Variants in SDSL observed in about 807,000 individuals in gnomAD.
SDSL encodes the protein serine dehydratase-like.
Under a neutral mutation model 27.6 loss-of-function variants are expected in SDSL, and 26 were observed. The observed-to-expected ratio is 0.94, with a 90% CI of 0.69 to 1.31. The LOEUF (loss-of-function observed/expected upper bound fraction) is 1.31, where lower values mean the gene tolerates loss of function less well. Ranked by LOEUF, SDSL falls within the 50% of genes most tolerant of loss-of-function variation. The pLI is 0.00. For synonymous variants in SDSL, 196 were observed against 180.6 expected (o/e 1.09, Z -0.69); for missense variants, 431 against 423.5 (o/e 1.02, Z -0.16).
In SDSL at chr12:113,438,186, A is replaced by G. The variant is rs1958025896; in HGVS notation, c.*107A>G. 1 of 1,009,408 alleles carries G rather than the reference A, an allele frequency of 9.9e-7. No homozygotes were observed. The highest frequency in any genetic ancestry group is 1.5e-6 in the Non-Finnish European group (1 of 688,532). 62.5% of individuals were successfully genotyped at this position (1,009,408 alleles called of 1,614,324 possible). On this transcript the variant is annotated 3_prime_UTR_variant, in exon 8 of 8. Transcript: ENST00000403593. ...GATGGCAGTGGAAGCTGCCCTGTGC[A>G]ACTGTGCTGGCTGCCTCCTGAAGGA...
chr12:113,432,270 T>TTCTTTCTCTC lies in SDSL; in HGVS notation c.355-1857_355-1856insCTCTCTTTCT, dbSNP rs1555210080. Among the ~76,000 whole-genome samples the TTCTTTCTCTC allele has an allele frequency of 2.2e-3, 253 of 116,336 alleles. 5 individuals carry two copies. Among genetic ancestry groups the TTCTTTCTCTC allele is most frequent in the African/African-American group, 6.9e-3 (215 of 31,290 alleles). 76.3% of individuals were successfully genotyped at this position (116,336 alleles called of 152,430 possible). A position where few individuals can be genotyped will look rare whatever the true frequency, so the allele number is the denominator to read the frequency against. On this transcript the variant is annotated intron_variant, in intron 4 of 7. Coordinates refer to ENST00000403593, the MANE Select transcript of SDSL (RefSeq NM_001304993.2). The stretch of plus-strand genomic sequence containing the variant: ...TTTCTTTCTTTCTTTCTTTCTTTCT[T>TTCTTTCTCTC]TCTTTCTTTCTTTCTTTCTTTCTCT...
Position 113,437,916 on chromosome 12 carries a change from G to C in SDSL, c.827G>C (p.Cys276Ser), listed in dbSNP as rs760996433. The C allele has an allele frequency of 4.3e-6, 7 of 1,611,274 alleles. No individual in the cohort carries two copies. The Admixed American group carries it at 1.0e-4, about 23-fold the overall frequency. The stretch of plus-strand genomic sequence containing the variant: ...GAGCGTATGCTGGTGGAGCCTGCCT[G>C]TGGGGCAGCCTTAGCAGCCATCTAC... ...DDERMLVEPACGAALAAIYSG... is the reference protein window; with the variant it reads ...DDERMLVEPASGAALAAIYSG... The change falls in exon 8 of 8, where the codon TGT (cysteine) becomes TCT (serine). Residue 276 changes from cysteine to serine, a missense_variant. By Grantham distance (112) the Cys-to-Ser change is moderately radical (BLOSUM62 -1). Transcript: ENST00000403593.
At position 113,432,272 on chromosome 12, in the gene SDSL, CTTTCTTTCTTTCT is replaced by C; in HGVS notation, c.355-1859_355-1847del. Among the ~76,000 whole-genome samples the C allele has an allele frequency of 2.3e-5, 3 of 129,822 alleles. No homozygotes were observed. In the East Asian group the frequency reaches 6.5e-4, roughly 28 times the overall value. The allele number at this position is 129,822 out of a possible 152,430, so 85.2% of individuals were successfully genotyped here. A position where few individuals can be genotyped will look rare whatever the true frequency, so the allele number is the denominator to read the frequency against. ...TCTTTCTTTCTTTCTTTCTTTCTTT[CTTTCTTTCTTTCT>C]TTCTTTCTCTCTCTCTCTTTCTGTC... On this transcript the variant is annotated intron_variant, in intron 4 of 7. Coordinates refer to ENST00000403593, the MANE Select transcript of SDSL (RefSeq NM_001304993.2).
chr12:113,435,619 T>C, intron 6 of SDSL, 63 bp downstream of exon 6: 1 of 1,392,810 alleles, frequency 7.2e-7, no homozygotes, highest in Non-Finnish European at 9.9e-7. Context: ...TCCTAGGGCC[T>C]TCCAGTCCCA....
At chr12:113,426,047 C>T in intron 1 of SDSL, 1 of 404,902 alleles carries the variant, frequency 2.5e-6, no homozygotes, top group East Asian at 7.2e-5. Flanking sequence ...CAATGGCTTT[C>T]CATTGCAGGT....
intron 1 of SDSL, among the ~76,000 whole-genome samples, chr12:113,425,269 G>C (rs928286268): frequency 1.3e-5 from 2 of 152,166 alleles, no homozygotes; most frequent in Non-Finnish European, 1.5e-5. Flanking sequence ...GGGGATCAGT[G>C]ATGACCCATG....
chr12:113,434,089 C>T (rs1957962439), intron 4 of SDSL, 45 bp from the exon 5 acceptor site: 1 of 1,525,182 alleles, frequency 6.6e-7, no homozygotes, highest in Admixed American at 1.7e-5. Flanking sequence ...GCCTCCATAG[C>T]AGTCCCACTC....
chr12:113,427,859 A>G (rs1957867858), intron 1 of SDSL, 103 bp from the exon 2 acceptor site: 1 of 996,804 alleles, frequency 1.0e-6, no homozygotes, highest in African/African-American at 1.6e-5. Context: ...GATGAAGTGA[A>G]GGGCACCTAA....
intron 3 of SDSL, among the ~76,000 whole-genome samples, chr12:113,428,895 G>A (rs1227750495): frequency 6.6e-6 from 1 of 151,326 alleles, no homozygotes; most frequent in Non-Finnish European, 1.5e-5. Context: ...ACCCCTTCTC[G>A]ATGCCTCGCC....
intron 6 of SDSL, among the ~76,000 whole-genome samples, chr12:113,436,416 G>C (rs1035766707): frequency 1.3e-5 from 2 of 151,864 alleles, no homozygotes; most frequent in African/African-American, 4.8e-5. Flanking sequence ...AGCCTCCCAA[G>C]TAGTTGGGAT....
chr12:113,429,056 G>C lies in SDSL; in HGVS notation c.215-104G>C. 8 of 1,375,128 alleles carry C rather than the reference G, an allele frequency of 5.8e-6. No individual in the cohort carries two copies. The South Asian group carries it at 1.1e-4, about 19-fold the overall frequency. 85.2% of individuals were successfully genotyped at this position (1,375,128 alleles called of 1,614,324 possible). The stretch of plus-strand genomic sequence containing the variant: ...GGAGGAAGGAGTCAATGGGGCATAT[G>C]AATGTTGGGGACGAGTGACTCTGAA... On this transcript the variant is annotated intron_variant, in intron 3 of 7. Coordinates refer to ENST00000403593, the MANE Select transcript of SDSL (RefSeq NM_001304993.2).
intron 4 of SDSL, among the ~76,000 whole-genome samples, chr12:113,431,849 C>T (rs904357502): frequency 1.3e-5 from 2 of 151,904 alleles, no homozygotes; most frequent in Non-Finnish European, 1.5e-5. Flanking sequence ...CACCGTTCTC[C>T]TGCCTCAGCC....
rs753037398 is a variant in SDSL at position 113,435,567 on chromosome 12, G to T, written c.671+11G>T. 6.2e-7 allele frequency: 1 copy of T among 1,607,764 alleles called. No homozygotes were observed. The highest frequency in any genetic ancestry group is 1.1e-5 in the South Asian group (1 of 90,238). ...TCCAGACATCACCAGGTGGGTAAGGGCTGGGGACATTTGTAGGGGCTGGAG... is the reference window on the plus strand; with the variant it reads ...TCCAGACATCACCAGGTGGGTAAGGTCTGGGGACATTTGTAGGGGCTGGAG... On this transcript the variant is annotated intron_variant, in intron 6 of 7. Coordinates refer to ENST00000403593, the MANE Select transcript of SDSL (RefSeq NM_001304993.2).
At chr12:113,430,262 G>A (rs1182065978) in intron 4 of SDSL, among the ~76,000 whole-genome samples, 1 of 152,134 alleles carries the variant, frequency 6.6e-6, no homozygotes, top group Admixed American at 6.6e-5. Flanking sequence ...AGATTATTAT[G>A]AGGAGACACA....
intron 5 of SDSL, 130 bp downstream of exon 5, chr12:113,434,352 G>A: frequency 1.5e-6 from 1 of 657,880 alleles, no homozygotes; most frequent in Non-Finnish European, 2.6e-6. Flanking sequence ...AGGCAGACAT[G>A]GGTTCAGATC....
chr12:113,431,317 G>A (rs1361451389), intron 4 of SDSL, among the ~76,000 whole-genome samples: 1 of 152,228 alleles, frequency 6.6e-6, no homozygotes, highest in African/African-American at 2.4e-5. Context: ...AGTTTGAGCA[G>A]GGGAGGGACC....
intron 4 of SDSL, among the ~76,000 whole-genome samples, chr12:113,432,753 TGTAA>T (rs1358942409): frequency 5.3e-5 from 8 of 152,342 alleles, no homozygotes; most frequent in South Asian, 2.1e-4. Context: ...AACTCCCAGT[TGTAA>T]GTGAGAATAT....
Position 113,429,039 on chromosome 12 carries a change from G to A in SDSL, c.215-121G>A. The A allele has an allele frequency of 2.6e-6, 3 of 1,157,500 alleles. No individual in the cohort carries two copies. The East Asian group carries it at 7.5e-5, about 29-fold the overall frequency. 71.7% of individuals were successfully genotyped at this position (1,157,500 alleles called of 1,614,324 possible). ...GTGTCCCCCTCTTGAGTGGAGGAAG[G>A]AGTCAATGGGGCATATGAATGTTGG... On this transcript the variant is annotated intron_variant, in intron 3 of 7. Transcript: ENST00000403593.
chr12:113,424,908 G>GA (rs1957830104), intron 1 of SDSL, among the ~76,000 whole-genome samples: 2 of 151,964 alleles, frequency 1.3e-5, no homozygotes, highest in Non-Finnish European at 2.9e-5. Context: ...GCTAATTTTT[G>GA]TATTTTTAGT....
Sources: allele counts gnomAD v4.1 joint callset (sites outside exome capture counted in the v4.1 genomes callset), GRCh38; gene constraint gnomAD v4.1.1; transcripts MANE v1.5; gene names NCBI Gene and HGNC (gene_info 2026-07-23, HGNC 2026-07-21).